Variants in CDYL2 observed in about 807,000 individuals in gnomAD.
CDYL2 encodes chromodomain Y-like protein 2.
Under a neutral mutation model 49.4 loss-of-function variants are expected in CDYL2, and 23 were observed. That is an observed-to-expected ratio of 0.47 (90% confidence interval 0.34 to 0.66). The LOEUF is 0.66. Among genes scored for constraint, CDYL2 ranks in the 30% least tolerant of loss-of-function variants. The pLI is 0.01. For missense variants in CDYL2, 678 were observed against 656.4 expected (o/e 1.03, Z -0.36); for synonymous variants, 360 against 268.8 (o/e 1.34, Z -3.32).
At chr16:80,777,823 T>C (rs1241526433) in intron 1 of CDYL2, among the ~76,000 whole-genome samples, 1 of 152,046 alleles carries the variant, frequency 6.6e-6, no homozygotes, top group African/African-American at 2.4e-5. Context: ...GGAAAAAAAT[T>C]AATCAATTAA....
intron 1 of CDYL2, among the ~76,000 whole-genome samples, chr16:80,725,258 A>G (rs762151659): frequency 1.3e-5 from 2 of 152,152 alleles, no homozygotes; most frequent in Non-Finnish European, 2.9e-5. Context: ...CTTCAGTCCT[A>G]GTTTAATGTC....
At chr16:80,786,328 G>T (rs546742304) in intron 1 of CDYL2, among the ~76,000 whole-genome samples, 2 of 152,270 alleles carry the variant, frequency 1.3e-5, no homozygotes, top group Admixed American at 1.3e-4. Flanking sequence ...CTTCTCAAAA[G>T]AAGACATTTA....
chr16:80,626,546 C>A (rs1045912754), intron 3 of CDYL2, among the ~76,000 whole-genome samples: 1 of 152,106 alleles, frequency 6.6e-6, no homozygotes, highest in East Asian at 1.9e-4. Context: ...CTTAAAAATA[C>A]ATGAATTATA....
intron 1 of CDYL2, chr16:80,736,382 CTAAGCACTTATTTTCA>C (rs1249919164): frequency 1.3e-5 from 2 of 152,234 alleles, no homozygotes; most frequent in Non-Finnish European, 2.9e-5. Flanking sequence ...ATTCAACAGA[CTAAGCACTTATTTTCA>C]AGTTACTAAT....
chr16:80,675,125 CA>C (rs1194674498), intron 2 of CDYL2, among the ~76,000 whole-genome samples: 1 of 152,202 alleles, frequency 6.6e-6, no homozygotes, highest in Admixed American at 6.5e-5. Flanking sequence ...AAGGCAGGCC[CA>C]GGGGTGTTGG....
chr16:80,723,655 C>G lies in CDYL2; in HGVS notation c.25-38526G>C, dbSNP rs1905076296. ...CTACAAGCTGCATCCAGCCTAACAG[C>G]TGCTACAGTAAATAAAGTTTTATTG... On this transcript the variant is annotated intron_variant, in intron 1 of 6. Coordinates refer to ENST00000570137, the MANE Select transcript of CDYL2 (RefSeq NM_152342.4). Among the ~76,000 whole-genome samples, 3 of 152,216 alleles carry G rather than the reference C, an allele frequency of 2.0e-5. No homozygotes were observed. In the South Asian group the frequency reaches 6.2e-4, roughly 31 times the overall value.
intron 1 of CDYL2, among the ~76,000 whole-genome samples, chr16:80,788,364 C>A (rs1021839815): frequency 9.2e-5 from 14 of 152,220 alleles, no homozygotes; most frequent in African/African-American, 3.1e-4. Flanking sequence ...GATGCTTTCC[C>A]ATCCTGATTA....
intron 2 of CDYL2, among the ~76,000 whole-genome samples, chr16:80,668,702 C>A (rs932809608): frequency 3.3e-5 from 5 of 151,906 alleles, no homozygotes; most frequent in Non-Finnish European, 7.4e-5. Flanking sequence ...AGTTTGAGAC[C>A]AGCCTGGCCA....
At chr16:80,636,740 A>C (rs1907846055) in intron 2 of CDYL2, among the ~76,000 whole-genome samples, 2 of 152,240 alleles carry the variant, frequency 1.3e-5, no homozygotes, top group African/African-American at 2.4e-5. Context: ...TCTACTATGA[A>C]GACACATGCA....
At chr16:80,769,102 C>T (rs1357200491) in intron 1 of CDYL2, among the ~76,000 whole-genome samples, 1 of 152,176 alleles carries the variant, frequency 6.6e-6, no homozygotes, top group Non-Finnish European at 1.5e-5. Flanking sequence ...ATATCATCAA[C>T]CACAGTCCCC....
At chr16:80,786,108 C>G (rs1422852607) in intron 1 of CDYL2, among the ~76,000 whole-genome samples, 2 of 152,140 alleles carry the variant, frequency 1.3e-5, no homozygotes, top group Non-Finnish European at 2.9e-5. Context: ...CCAAAATTGA[C>G]AAATGGAATC....
chr16:80,690,571 C>T (rs183139188), intron 1 of CDYL2, among the ~76,000 whole-genome samples: 1 of 152,282 alleles, frequency 6.6e-6, no homozygotes, highest in African/African-American at 2.4e-5. Flanking sequence ...CACAGAAGAG[C>T]TAAGACTTGG....
chr16:80,750,426 G>A (rs1412603079), intron 1 of CDYL2, among the ~76,000 whole-genome samples: 3 of 147,028 alleles, frequency 2.0e-5, no homozygotes, highest in Non-Finnish European at 3.0e-5. Flanking sequence ...TTCTTTAAAA[G>A]CACTGATTAA....
chr16:80,774,042 T>C (rs967432632), intron 1 of CDYL2, among the ~76,000 whole-genome samples: 2 of 152,164 alleles, frequency 1.3e-5, no homozygotes, highest in African/African-American at 4.8e-5. Context: ...GAAGACTTGA[T>C]AATGAAACAG....
At chr16:80,710,571 A>C (rs1280421792) in intron 1 of CDYL2, among the ~76,000 whole-genome samples, 1 of 152,230 alleles carries the variant, frequency 6.6e-6, no homozygotes, top group East Asian at 1.9e-4. Flanking sequence ...GTAGTAAATA[A>C]CTACAGTATA....
At chr16:80,635,879 G>C (rs1207387444) in intron 2 of CDYL2, among the ~76,000 whole-genome samples, 2 of 152,122 alleles carry the variant, frequency 1.3e-5, no homozygotes, top group Non-Finnish European at 2.9e-5. Context: ...TAGACCAATG[G>C]AACAGAACAG....
At chr16:80,653,327 T>C (rs966674518) in intron 2 of CDYL2, among the ~76,000 whole-genome samples, 1 of 152,058 alleles carries the variant, frequency 6.6e-6, no homozygotes. Context: ...TAGCCGGGCA[T>C]GGTGGTGCAT....
At chr16:80,747,761 G>C (rs1207690317) in intron 1 of CDYL2, among the ~76,000 whole-genome samples, 1 of 152,052 alleles carries the variant, frequency 6.6e-6, no homozygotes, top group South Asian at 2.1e-4. Flanking sequence ...TAGTTTCTTT[G>C]CCTTGCAGCC....
intron 2 of CDYL2, among the ~76,000 whole-genome samples, chr16:80,659,914 T>C (rs9931314): frequency 0.47 from 71,185 of 151,670 alleles, 17,983 homozygotes; most frequent in African/African-American, 0.64. Context: ...ATAATATTAA[T>C]GATAAACTGT....
Sources: gnomAD v4.1 joint callset for allele counts (sites outside exome capture counted in the v4.1 genomes callset) on GRCh38, gnomAD v4.1.1 for gene constraint, MANE v1.5 for transcripts, NCBI Gene and HGNC (gene_info 2026-07-23, HGNC 2026-07-21) for gene names.